Variants in SUMF1 observed in about 807,000 individuals in gnomAD.
SUMF1 encodes sulfatase modifying factor 1.
In SUMF1, 48 loss-of-function variants were observed where a neutral mutation model predicts 47.6. The observed-to-expected ratio is 1.01, with a 90% confidence interval of 0.80 to 1.28. The LOEUF (loss-of-function observed/expected upper bound fraction) is 1.28, where lower values mean the gene tolerates loss of function less well. SUMF1 is among the 50% of genes most tolerant of loss of function. The pLI is 0.00. For missense variants in SUMF1, 571 were observed against 485.4 expected (o/e 1.18, Z -1.66); for synonymous variants, 230 against 192.1 (o/e 1.20, Z -1.63).
At chr3:4,091,067 C>A (rs778647489) in intron 8 of SUMF1, among the ~76,000 whole-genome samples, 12 of 150,044 alleles carry the variant, frequency 8.0e-5, no homozygotes, top group Admixed American at 4.7e-4. Flanking sequence ...GGCGACAGAA[C>A]GAGACTCCAT....
chr3:4,291,210 T>G (rs1274750761), intron 8 of SUMF1, among the ~76,000 whole-genome samples: 2 of 152,156 alleles, frequency 1.3e-5, no homozygotes, highest in Non-Finnish European at 2.9e-5. Context: ...AATCAAGAAT[T>G]TCAATGAGAA....
chr3:4,215,619 T>A (rs1365699139), intron 8 of SUMF1, among the ~76,000 whole-genome samples: 1 of 152,218 alleles, frequency 6.6e-6, no homozygotes, highest in Non-Finnish European at 1.5e-5. Flanking sequence ...TGTTTGCAGA[T>A]GACATGATTG....
At chr3:4,316,233 A>G (rs546538913) in intron 8 of SUMF1, 1 of 730,236 alleles carries the variant, frequency 1.4e-6, no homozygotes, top group African/African-American at 1.7e-5. Context: ...GATGTTAGAC[A>G]AAAAGCAAAT....
intron 8 of SUMF1, among the ~76,000 whole-genome samples, chr3:4,132,048 C>G (rs968989517): frequency 6.6e-6 from 1 of 152,182 alleles, no homozygotes; most frequent in African/African-American, 2.4e-5. Context: ...TCAGGGTGAT[C>G]AGCCAGCTAC....
At chr3:4,304,973 G>T (rs991588388) in intron 8 of SUMF1, among the ~76,000 whole-genome samples, 5 of 151,362 alleles carry the variant, frequency 3.3e-5, no homozygotes, top group African/African-American at 4.9e-5. Context: ...TCAAAGTGGT[G>T]GGGGGGGCTT....
chr3:4,410,521 A>G (rs1271698695), intron 7 of SUMF1, among the ~76,000 whole-genome samples: 1 of 152,236 alleles, frequency 6.6e-6, no homozygotes, highest in East Asian at 1.9e-4. Flanking sequence ...AGCAGATCTT[A>G]ATAGTTCATA....
chr3:4,113,871 G>T (rs534005496), intron 8 of SUMF1, among the ~76,000 whole-genome samples: 2 of 152,168 alleles, frequency 1.3e-5, no homozygotes, highest in South Asian at 4.2e-4. Flanking sequence ...TCAAAAGGTA[G>T]AATAATATAC....
chr3:4,320,037 G>A (rs970894290), intron 8 of SUMF1, among the ~76,000 whole-genome samples: 12 of 152,122 alleles, frequency 7.9e-5, no homozygotes, highest in Non-Finnish European at 1.8e-4. Flanking sequence ...AGTTTTTTAG[G>A]GCAATGAAAC....
chr3:4,165,872 C>CAA (rs1694692683), intron 8 of SUMF1, among the ~76,000 whole-genome samples: 1 of 140,736 alleles, frequency 7.1e-6, no homozygotes, highest in Non-Finnish European at 1.6e-5. Flanking sequence ...TCCCCCCCCC[C>CAA]CCCGAGCAAG....
chr3:4,294,373 G>A (rs1226365791), intron 8 of SUMF1, among the ~76,000 whole-genome samples: 1 of 152,062 alleles, frequency 6.6e-6, no homozygotes, highest in Non-Finnish European at 1.5e-5. Flanking sequence ...GACGAGCCCA[G>A]GCAACACTGC....
chr3:4,379,791 G>A (rs535090302), intron 7 of SUMF1, among the ~76,000 whole-genome samples: 2 of 140,340 alleles, frequency 1.4e-5, no homozygotes, highest in African/African-American at 5.3e-5. Flanking sequence ...GCAGTGAGCC[G>A]AGATCGTGCC....
intron 8 of SUMF1, among the ~76,000 whole-genome samples, chr3:4,247,374 A>C (rs1340513507): frequency 1.3e-5 from 2 of 152,210 alleles, no homozygotes; most frequent in African/African-American, 4.8e-5. Context: ...AGTCAAATCA[A>C]CAGGCCCCAT....
At chr3:4,392,586 GAT>G (rs1343165568) in intron 7 of SUMF1, among the ~76,000 whole-genome samples, 29 of 131,274 alleles carry the variant, frequency 2.2e-4, no homozygotes, top group African/African-American at 5.4e-4. Flanking sequence ...TATATGTTCA[GAT>G]ATATATGTGT....
At chr3:4,072,019 C>T (rs1092595) in intron 8 of SUMF1, among the ~76,000 whole-genome samples, 5,839 of 152,212 alleles carry the variant, frequency 0.038, 162 homozygotes, top group Non-Finnish European at 0.055. Context: ...CAGTAGGGGC[C>T]GACAGACACC....
At chr3:4,430,389 C>G (rs1210874380) in intron 3 of SUMF1, among the ~76,000 whole-genome samples, 1 of 152,178 alleles carries the variant, frequency 6.6e-6, no homozygotes, top group Admixed American at 6.5e-5. Context: ...TCTCCTATTA[C>G]ATCACTAGCC....
chr3:4,214,646 GA>G (rs1695877038), intron 8 of SUMF1, among the ~76,000 whole-genome samples: 1 of 151,956 alleles, frequency 6.6e-6, no homozygotes, highest in Non-Finnish European at 1.5e-5. Flanking sequence ...CAACTAAATA[GA>G]TAGACCACTA....
intron 3 of SUMF1, among the ~76,000 whole-genome samples, chr3:4,437,777 A>G (rs138976861): frequency 0.011 from 1,654 of 152,116 alleles, 32 homozygotes; most frequent in African/African-American, 0.038. Context: ...CATTTCTACT[A>G]AAAATACAAA....
At chr3:4,214,057 G>T (rs1243768830) in intron 8 of SUMF1, among the ~76,000 whole-genome samples, 1 of 152,122 alleles carries the variant, frequency 6.6e-6, no homozygotes. Flanking sequence ...GGACCAAGCA[G>T]ACCTAATAGA....
At position 4,389,829 on chromosome 3, in the gene SUMF1, T is replaced by G. The variant is rs1423567477; in HGVS notation, c.955-13440A>C. Among the ~76,000 whole-genome samples, 3 of 152,312 alleles carry G rather than the reference T, an allele frequency of 2.0e-5. No individual in the cohort carries two copies. In the South Asian group the frequency reaches 6.2e-4, roughly 32 times the overall value. The stretch of plus-strand genomic sequence containing the variant: ...TGCATTTGGTTCTTCTTATATTTTC[T>G]ATTTCTTTGCTGAAGCTTTCAATTT... On this transcript the variant is annotated intron_variant, in intron 7 of 8. Transcript: ENST00000272902.
Sources: gnomAD v4.1 joint callset for allele counts (sites outside exome capture counted in the v4.1 genomes callset) on GRCh38, gnomAD v4.1.1 for gene constraint, MANE v1.5 for transcripts, NCBI Gene and HGNC (gene_info 2026-07-23, HGNC 2026-07-21) for gene names.